Variants in SAMD8 observed in about 807,000 individuals in gnomAD.
SAMD8 encodes the protein sphingomyelin synthase-related protein 1.
A neutral mutation model predicts 42.0 loss-of-function variants in SAMD8; 20 were observed. That is an observed-to-expected ratio of 0.48 (90% CI 0.34 to 0.69). The LOEUF (loss-of-function observed/expected upper bound fraction) is 0.69. Ranked by LOEUF, SAMD8 falls within the 30% of genes least tolerant of loss-of-function variation. The probability of loss-of-function intolerance (pLI) is 0.01; values close to 1 mark genes in which losing one functional copy is unlikely to be tolerated. For missense variants in SAMD8, 328 were observed against 511.6 expected, an observed-to-expected ratio of 0.64 and a Z score of 3.46; for synonymous variants, 162 against 173.0, an observed-to-expected ratio of 0.94 and a Z score of 0.50.
At chr10:75,155,579 A>G (rs1009415594) in intron 2 of SAMD8, among the ~76,000 whole-genome samples, 1 of 152,214 alleles carries the variant, frequency 6.6e-6, no homozygotes, top group Non-Finnish European at 1.5e-5. Flanking sequence ...GTCATCAGTG[A>G]CTATGACAAG....
intron 1 of SAMD8, among the ~76,000 whole-genome samples, chr10:75,114,546 CTGAT>C (rs1314643526): frequency 2.0e-5 from 3 of 152,108 alleles, no homozygotes; most frequent in African/African-American, 7.2e-5. Context: ...TTTGCTGTTA[CTGAT>C]TAAGACATTT....
intron 1 of SAMD8, among the ~76,000 whole-genome samples, chr10:75,147,767 G>T (rs1309062627): frequency 6.6e-6 from 1 of 152,108 alleles, no homozygotes; most frequent in African/African-American, 2.4e-5. Flanking sequence ...ATGTATAGTA[G>T]GTAGGGTGAA....
intron 2 of SAMD8, among the ~76,000 whole-genome samples, chr10:75,163,127 A>G (rs772280490): frequency 2.0e-5 from 3 of 152,092 alleles, no homozygotes; most frequent in Non-Finnish European, 4.4e-5. Flanking sequence ...GGGTTTAACC[A>G]TGTGGGCCAG....
intron 3 of SAMD8, among the ~76,000 whole-genome samples, chr10:75,167,426 A>G (rs913460648): frequency 3.3e-5 from 5 of 151,950 alleles, no homozygotes; most frequent in African/African-American, 1.2e-4. Flanking sequence ...TTTATAGACA[A>G]GATGTTACTG....
At chr10:75,155,329 G>T (rs1276784295) in intron 2 of SAMD8, among the ~76,000 whole-genome samples, 1 of 152,040 alleles carries the variant, frequency 6.6e-6, no homozygotes, top group Non-Finnish European at 1.5e-5. Flanking sequence ...AATATGTTTT[G>T]TAGCAAATTC....
intron 2 of SAMD8, among the ~76,000 whole-genome samples, chr10:75,158,215 TAAAA>T (rs1276596865): frequency 5.3e-5 from 8 of 149,886 alleles, no homozygotes; most frequent in Admixed American, 5.3e-4. Flanking sequence ...GAAAAAATAA[TAAAA>T]AACAAGCAAA....
intron 1 of SAMD8, among the ~76,000 whole-genome samples, chr10:75,135,677 T>G (rs1445566976): frequency 2.6e-5 from 4 of 151,228 alleles, no homozygotes; most frequent in African/African-American, 9.7e-5. Context: ...TACAAAAAAA[T>G]TAACTGGGCA....
At chr10:75,154,644 A>G (rs904735171) in intron 2 of SAMD8, among the ~76,000 whole-genome samples, 2 of 150,358 alleles carry the variant, frequency 1.3e-5, no homozygotes, top group East Asian at 4.0e-4. Context: ...TCTATTTTAA[A>G]AGGTCATTCT....
chr10:75,127,552 G>A (rs567324133), intron 1 of SAMD8, among the ~76,000 whole-genome samples: 2 of 152,288 alleles, frequency 1.3e-5, no homozygotes, highest in South Asian at 2.1e-4. Context: ...CACTGTAAAT[G>A]CCATGAATGT....
chr10:75,148,346 C>CTTTTTTTTTTTTTTTTTTTTTTTTT (rs60024591), intron 1 of SAMD8, among the ~76,000 whole-genome samples: 10 of 82,556 alleles, frequency 1.2e-4, no homozygotes, highest in African/African-American at 5.2e-4. Context: ...GCAATACCAG[C>CTTTTTTTTTTTTTTTTTTTTTTTTT]TTTTTTTTTT....
chr10:75,150,341 C>T, intron 1 of SAMD8, 173 bp from the exon 2 acceptor site: 2 of 561,588 alleles, frequency 3.6e-6, no homozygotes, highest in Non-Finnish European at 4.5e-6. Context: ...GGACTGGTCT[C>T]GAACTCCTGG....
At chr10:75,106,364 G>A (rs1848508813) in intron 1 of SAMD8, among the ~76,000 whole-genome samples, 1 of 151,830 alleles carries the variant, frequency 6.6e-6, no homozygotes, top group Admixed American at 6.6e-5. Flanking sequence ...CATGGTTTCT[G>A]ACCTCCAGCC....
At chr10:75,111,772 G>GC in intron 1 of SAMD8, 50 bp downstream of exon 1, 1 of 1,232,942 alleles carries the variant, frequency 8.1e-7, no homozygotes, top group Middle Eastern at 2.5e-4. Flanking sequence ...GGCGCCTGCT[G>GC]CCAAGGGTGA....
At chr10:75,153,074 T>C (rs1031639237) in intron 2 of SAMD8, among the ~76,000 whole-genome samples, 1 of 151,944 alleles carries the variant, frequency 6.6e-6, no homozygotes, top group African/African-American at 2.4e-5. Flanking sequence ...CTCCGCCTCC[T>C]GGGTTCAAGT....
chr10:75,152,887 A>G (rs1840324227), intron 2 of SAMD8, among the ~76,000 whole-genome samples: 1 of 152,172 alleles, frequency 6.6e-6, no homozygotes, highest in African/African-American at 2.4e-5. Flanking sequence ...AATAATAATA[A>G]TAAAACAGTA....
intron 1 of SAMD8, among the ~76,000 whole-genome samples, chr10:75,114,651 T>C (rs1221646553): frequency 6.6e-6 from 1 of 152,236 alleles, no homozygotes; most frequent in Non-Finnish European, 1.5e-5. Flanking sequence ...TATTGTTTTA[T>C]AAGAATGCCA....
chr10:75,136,505 G>A (rs1839888997), intron 1 of SAMD8, among the ~76,000 whole-genome samples: 1 of 152,178 alleles, frequency 6.6e-6, no homozygotes, highest in Non-Finnish European at 1.5e-5. Flanking sequence ...TGACCTTTGG[G>A]TACTTAGCTT....
chr10:75,114,803 A>G (rs1303677316), intron 1 of SAMD8, among the ~76,000 whole-genome samples: 1 of 152,136 alleles, frequency 6.6e-6, no homozygotes, highest in Admixed American at 6.5e-5. Context: ...TTCATTTTTC[A>G]TATGCCAGTG....
At chr10:75,134,386 G>A (rs2134450518) in intron 1 of SAMD8, among the ~76,000 whole-genome samples, 1 of 152,254 alleles carries the variant, frequency 6.6e-6, no homozygotes, top group South Asian at 2.1e-4. Flanking sequence ...TGTAATCCCA[G>A]CACTTTGAGA....
Sources: allele counts gnomAD v4.1 joint callset (sites outside exome capture counted in the v4.1 genomes callset), GRCh38; gene constraint gnomAD v4.1.1; transcripts MANE v1.5; gene names NCBI Gene and HGNC (gene_info 2026-07-23, HGNC 2026-07-21).